Variants in TRAPPC12 observed in about 807,000 individuals in gnomAD.
The protein encoded by TRAPPC12 is TPR repeat protein 15.
TRAPPC12 carries 61 observed loss-of-function variants against 69.2 expected under a neutral mutation model. The observed-to-expected ratio is 0.88, with a 90% CI of 0.72 to 1.09. The LOEUF (loss-of-function observed/expected upper bound fraction) is 1.09, where lower values mean the gene tolerates loss of function less well. Ranked by LOEUF, TRAPPC12 falls within the 50% of genes least tolerant of loss-of-function variation. The pLI is 0.00. For synonymous variants in TRAPPC12, 469 were observed against 438.9 expected, an observed-to-expected ratio of 1.07 and a Z score of -0.86; for missense variants, 1,101 against 1,016.4, an observed-to-expected ratio of 1.08 and a Z score of -1.13.
At chr2:3,470,487 G>T (rs184607992) in intron 9 of TRAPPC12, among the ~76,000 whole-genome samples, 1 of 152,270 alleles carries the variant, frequency 6.6e-6, no homozygotes, top group Non-Finnish European at 1.5e-5. Flanking sequence ...AGTGGGCACT[G>T]CAGTGTGAAT....
chr2:3,430,789 G>A lies in TRAPPC12; in HGVS notation c.1417+6126G>A, dbSNP rs143975724. On this transcript the variant is annotated intron_variant, in intron 5 of 11. Transcript: ENST00000324266. ...TCATGCCTATGTCATTGCCAAGTAGGCTGAGACAAGTAAAGACATTTACCA... is the reference window on the plus strand; with the variant it reads ...TCATGCCTATGTCATTGCCAAGTAGACTGAGACAAGTAAAGACATTTACCA... Among the ~76,000 whole-genome samples, 277 of 152,326 alleles carry A rather than the reference G, an allele frequency of 1.8e-3. 2 individuals are homozygous for A. The highest frequency in any genetic ancestry group is 6.8e-3 in the Middle Eastern group (2 of 294).
At position 3,468,052 on chromosome 2, in the gene TRAPPC12, C is replaced by T. The variant is rs1301252147; in HGVS notation, c.1776+2357C>T. 4 of 152,376 alleles carry T rather than the reference C, an allele frequency of 2.6e-5. No individual in the cohort carries two copies. The East Asian group carries it at 7.7e-4, about 29-fold the overall frequency. The allele number at this position is 152,376 out of a possible 1,614,324, so 9.4% of individuals were successfully genotyped here. A position where few individuals can be genotyped will look rare whatever the true frequency, so the allele number is the denominator to read the frequency against. Reference sequence around the variant, plus strand: ...ACACTTAAAGCTCACATTCAGAGCCCTAGCTAACCTTTTCCAGCCCAGTGT... The same window carrying T: ...ACACTTAAAGCTCACATTCAGAGCCTTAGCTAACCTTTTCCAGCCCAGTGT... On this transcript the variant is annotated intron_variant, in intron 9 of 11. Coordinates refer to ENST00000324266, the MANE Select transcript of TRAPPC12 (RefSeq NM_016030.6).
At chr2:3,394,921 C>G (rs1572091575) in intron 2 of TRAPPC12, among the ~76,000 whole-genome samples, 1 of 152,200 alleles carries the variant, frequency 6.6e-6, no homozygotes, top group Non-Finnish European at 1.5e-5. Context: ...TATATTCTGT[C>G]TCTCACACAC....
chr2:3,459,998 G>A (rs917131740), intron 7 of TRAPPC12: 2 of 565,070 alleles, frequency 3.5e-6, no homozygotes, highest in South Asian at 2.0e-5. Flanking sequence ...ATTTGGCCTT[G>A]TGTCTGGGCT....
intron 3 of TRAPPC12, among the ~76,000 whole-genome samples, chr2:3,407,224 A>G (rs1434877800): frequency 1.3e-5 from 2 of 152,196 alleles, no homozygotes; most frequent in Admixed American, 6.5e-5. Flanking sequence ...AGATGGAGAA[A>G]AGTTATGTAC....
At chr2:3,394,097 A>C (rs1434870140) in intron 2 of TRAPPC12, among the ~76,000 whole-genome samples, 1 of 152,154 alleles carries the variant, frequency 6.6e-6, no homozygotes, top group Non-Finnish European at 1.5e-5. Context: ...ACCTTCCTCA[A>C]CCAAGTCCAG....
At chr2:3,430,166 A>G (rs1007275330) in intron 5 of TRAPPC12, among the ~76,000 whole-genome samples, 1 of 152,226 alleles carries the variant, frequency 6.6e-6, no homozygotes, top group East Asian at 1.9e-4. Context: ...ATCCGTATCC[A>G]TAAGGATGAA....
rs1347352073 is a variant in TRAPPC12, at chr2:3,395,472, T to C, written c.1048-6305T>C. On this transcript the variant is annotated intron_variant, in intron 2 of 11. Transcript: ENST00000324266. ...TGTCTTGTTTTTGCAATTTCTTAGG[T>C]GTCTTTTGAAGGGCAGAAATTTTAA... is the stretch of plus-strand genomic sequence containing the variant. Among the ~76,000 whole-genome samples the C allele has an allele frequency of 5.3e-5, 8 of 151,976 alleles. No homozygotes were observed. In the East Asian group the frequency reaches 1.4e-3, roughly 26 times the overall value.
At chr2:3,408,429 C>T (rs1661849496) in intron 3 of TRAPPC12, among the ~76,000 whole-genome samples, 1 of 152,134 alleles carries the variant, frequency 6.6e-6, no homozygotes, top group Non-Finnish European at 1.5e-5. Context: ...GAGTTCAAGA[C>T]CAGCCTGGGC....
At chr2:3,477,947 C>T (rs1383409787) in intron 10 of TRAPPC12, 152 bp downstream of exon 10, 3 of 476,922 alleles carry the variant, frequency 6.3e-6, no homozygotes, top group African/African-American at 3.9e-5. Flanking sequence ...AAGGAGTATA[C>T]AGGTGTTTTC....
intron 2 of TRAPPC12, among the ~76,000 whole-genome samples, chr2:3,395,667 A>T (rs1572092756): frequency 6.8e-6 from 1 of 147,476 alleles, no homozygotes; most frequent in Non-Finnish European, 1.5e-5. Flanking sequence ...GGTTTAAGTG[A>T]TTCTCATGCC....
At chr2:3,450,478 T>A (rs1357339341) in intron 6 of TRAPPC12, among the ~76,000 whole-genome samples, 1 of 152,222 alleles carries the variant, frequency 6.6e-6, no homozygotes, top group African/African-American at 2.4e-5. Context: ...GCCGGCTGCA[T>A]GACCAGCCCT....
chr2:3,422,972 C>T (rs183427530), intron 4 of TRAPPC12, among the ~76,000 whole-genome samples: 29 of 152,356 alleles, frequency 1.9e-4, no homozygotes, highest in African/African-American at 4.3e-4. Context: ...GGCGCAGTGG[C>T]GCATTGACTG....
At chr2:3,466,716 G>A (rs1437630969) in intron 9 of TRAPPC12, among the ~76,000 whole-genome samples, 3 of 152,178 alleles carry the variant, frequency 2.0e-5, no homozygotes, top group Admixed American at 2.0e-4. Flanking sequence ...CCCTGTCCAT[G>A]GGCCCCTGTG....
At chr2:3,404,694 A>G (rs1572105638) in intron 3 of TRAPPC12, among the ~76,000 whole-genome samples, 1 of 152,244 alleles carries the variant, frequency 6.6e-6, no homozygotes, top group East Asian at 1.9e-4. Context: ...AGTGCATCTG[A>G]GGACCCAGCA....
intron 1 of TRAPPC12, among the ~76,000 whole-genome samples, chr2:3,380,501 C>T (rs1056441883): frequency 3.3e-5 from 5 of 152,168 alleles, no homozygotes; most frequent in Non-Finnish European, 7.3e-5. Context: ...CTCTTCACTA[C>T]GAAACAGTGT....
intron 8 of TRAPPC12, 91 bp from the exon 9 acceptor site, chr2:3,465,506 C>T (rs1283186707): frequency 9.1e-6 from 8 of 882,320 alleles, no homozygotes; most frequent in African/African-American, 1.6e-5. Flanking sequence ...TCTCTCTACA[C>T]CGCGTCTGTA....
At chr2:3,453,390 C>T (rs893140004) in intron 6 of TRAPPC12, among the ~76,000 whole-genome samples, 3 of 152,282 alleles carry the variant, frequency 2.0e-5, no homozygotes, top group East Asian at 1.9e-4. Context: ...TTCTGCCCCT[C>T]GGCCCCTGTG....
At chr2:3,395,531 C>T (rs115863320) in intron 2 of TRAPPC12, among the ~76,000 whole-genome samples, 2,344 of 148,156 alleles carry the variant, frequency 0.016, 75 homozygotes, top group African/African-American at 0.056. Flanking sequence ...TACAGATTCT[C>T]GCAGCTTTTA....
Sources: gnomAD v4.1 joint callset for allele counts (sites outside exome capture counted in the v4.1 genomes callset) on GRCh38, gnomAD v4.1.1 for gene constraint, MANE v1.5 for transcripts, NCBI Gene and HGNC (gene_info 2026-07-23, HGNC 2026-07-21) for gene names.